TOP3A: variants seen among roughly 807,000 people sequenced by gnomAD.
TOP3A encodes the protein DNA topoisomerase III alpha, also known as DNA topoisomerase 3-alpha.
Under a neutral mutation model 111.3 loss-of-function variants are expected in TOP3A, and 64 were observed. The observed-to-expected ratio is 0.57, with a 90% CI of 0.47 to 0.71. The LOEUF is 0.71. Among genes scored for constraint, TOP3A ranks in the 30% least tolerant of loss-of-function variants. The probability of loss-of-function intolerance (pLI) is 0.00; values close to 1 mark genes in which losing one functional copy is unlikely to be tolerated. For synonymous variants in TOP3A, 484 were observed against 485.1 expected, an observed-to-expected ratio of 1.00 and a Z score of 0.03; for missense variants, 1,104 against 1,285.0, an observed-to-expected ratio of 0.86 and a Z score of 2.15.
chr17:18,308,934 C>G lies in TOP3A; in HGVS notation c.188G>C (p.Gly63Ala). 6.5e-7 allele frequency: 1 copy of G among 1,534,978 alleles called. No individual in the cohort carries two copies. Among genetic ancestry groups the G allele is most frequent in the Non-Finnish European group, 8.9e-7 (1 of 1,127,774 alleles). ...ATAGATCTTGTTGAATTTTGAAAGT[C>G]CTTCTCTCTATAAAACAAAAATAAG... The part of the protein sequence containing the change: ...LSNGRMRRRE[G>A]LSKFNKIYEF... The change falls in exon 2 of 19, where the codon GGA (glycine) becomes GCA (alanine). Residue 63 changes from glycine (G) to alanine (A), a missense_variant. Transcript: ENST00000321105.
Position 18,277,888 on chromosome 17 carries a change from C to A in TOP3A, c.2614G>T (p.Gly872Ter). ...LAYRPLGASL[G>*]CPPGPGIHLG... is the part of the protein sequence containing the mutation. ...TGGATCCCTGGGCCTGGTGGGCATC[C>A]CAGGGAGGCGCCCAGGGGTCTATAT... Residue 872 changes from glycine to a stop codon, truncating the protein, a stop_gained, in exon 18 of 19, where the codon GGA (glycine) becomes TGA (stop). Transcript: ENST00000321105. LOFTEE classifies it high-confidence loss of function. The A allele has an allele frequency of 6.2e-7, 1 of 1,613,920 alleles. No individual in the cohort carries two copies. The highest frequency in any genetic ancestry group is 8.5e-7 in the Non-Finnish European group (1 of 1,179,964).
intron 13 of TOP3A, 138 bp downstream of exon 13, chr17:18,290,419 A>G: frequency 9.5e-7 from 1 of 1,052,730 alleles, no homozygotes; most frequent in Non-Finnish European, 1.3e-6. Context: ...AACCTCTCTG[A>G]GCCTTATTTC....
intron 13 of TOP3A, among the ~76,000 whole-genome samples, chr17:18,289,777 G>A (rs897814644): frequency 6.6e-6 from 1 of 152,184 alleles, no homozygotes; most frequent in Non-Finnish European, 1.5e-5. Flanking sequence ...ATGTCCTAGT[G>A]ATGGTCAAGG....
chr17:18,291,860 C>T (rs1348213963), intron 11 of TOP3A, among the ~76,000 whole-genome samples: 1 of 152,032 alleles, frequency 6.6e-6, no homozygotes, highest in Non-Finnish European at 1.5e-5. Context: ...ACTACAGGCA[C>T]ATGCCACCCC....
At chr17:18,310,304 T>A (rs1981834019) in intron 1 of TOP3A, among the ~76,000 whole-genome samples, 1 of 151,982 alleles carries the variant, frequency 6.6e-6, no homozygotes, top group Non-Finnish European at 1.5e-5. Flanking sequence ...TGGGTGCCTG[T>A]AATCCCAGCT....
chr17:18,314,666 C>A lies in TOP3A; in HGVS notation c.113G>T (p.Cys38Phe). 1 of 1,613,636 alleles carries A rather than the reference C, an allele frequency of 6.2e-7. No individual in the cohort carries two copies. Among genetic ancestry groups the A allele is most frequent in the Non-Finnish European group, 8.5e-7 (1 of 1,179,780 alleles). Residue 38 changes from cysteine (C) to phenylalanine (F), a missense_variant, in exon 1 of 19, where the codon TGT (cysteine) becomes TTT (phenylalanine). Physicochemically the swap from Cys to Phe is radical, Grantham distance 205 (BLOSUM62 -2). Coordinates refer to ENST00000321105, the MANE Select transcript of TOP3A (RefSeq NM_004618.5). ...GGCCGCGTCGTTTTTTTCGGCCACACAGAGGACTTTCCGCACGCCTCGGAG... is the reference window on the plus strand; with the variant it reads ...GGCCGCGTCGTTTTTTTCGGCCACAAAGAGGACTTTCCGCACGCCTCGGAG... The part of the protein sequence containing the change: ...MALRGVRKVL[C>F]VAEKNDAAKG...
chr17:18,280,815 T>A (rs1024271556), intron 16 of TOP3A, among the ~76,000 whole-genome samples, 157 bp from the exon 17 acceptor site: 1 of 152,234 alleles, frequency 6.6e-6, no homozygotes, highest in Non-Finnish European at 1.5e-5. Flanking sequence ...TTGAATTGAT[T>A]GGGAAAAATG....
At chr17:18,289,926 G>A (rs564607265) in intron 13 of TOP3A, among the ~76,000 whole-genome samples, 1 of 152,296 alleles carries the variant, frequency 6.6e-6, no homozygotes, top group Non-Finnish European at 1.5e-5. Flanking sequence ...GACTAGGTTT[G>A]CCAGAGAAAG....
chr17:18,285,838 C>G (rs572164626), intron 13 of TOP3A, among the ~76,000 whole-genome samples: 1 of 152,328 alleles, frequency 6.6e-6, no homozygotes, highest in Non-Finnish European at 1.5e-5. Context: ...CTACCCTAAC[C>G]ATTCTTTAAG....
chr17:18,313,778 A>G (rs1008161839), intron 1 of TOP3A, among the ~76,000 whole-genome samples: 3 of 152,180 alleles, frequency 2.0e-5, no homozygotes, highest in Non-Finnish European at 4.4e-5. Flanking sequence ...CTCCACTCCC[A>G]CTATCCTTGA....
At chr17:18,275,061 G>T in intron 18 of TOP3A, 81 bp from the exon 19 acceptor site, 1 of 1,530,164 alleles carries the variant, frequency 6.5e-7, no homozygotes, top group Non-Finnish European at 8.8e-7. Flanking sequence ...GCTCATGCCT[G>T]TAATCCCAGC....
rs774900343 is a variant in TOP3A, at chr17:18,302,295, A to G, written c.783T>C (p.Ala261=). 6.2e-7 allele frequency: 1 copy of G among 1,612,016 alleles called. No homozygotes were observed. The highest frequency in any genetic ancestry group is 8.5e-7 in the Non-Finnish European group (1 of 1,179,698). The change falls in exon 7 of 19, where the codon GCT becomes GCC. Residue 261 remains alanine (A), a synonymous_variant. Transcript: ENST00000321105. ...TTCTGTGGAAGATTTCTGGTACAAA[A>G]GCCTGAATGGCTTTGAACCGCTCCA... ...FVVERFKAIQ[A]FVPEIFHRIK... is the part of the protein sequence containing the mutation.
Position 18,291,030 on chromosome 17 carries a change from A to G in TOP3A, c.1282-3T>C. The G allele has an allele frequency of 1.2e-6, 2 of 1,613,744 alleles. No homozygotes were observed. The highest frequency in any genetic ancestry group is 1.7e-6 in the Non-Finnish European group (2 of 1,179,832). On this transcript the variant is annotated splice_region_variant and splice_polypyrimidine_tract_variant and intron_variant, in intron 11 of 18. Coordinates refer to ENST00000321105, the MANE Select transcript of TOP3A (RefSeq NM_004618.5). ...TCGTACAGTCGCTGTTCATCTCCCT[A>G]GGAAGAAAAGAGGAGTACGAAACTC...
chr17:18,303,848 CCTTTA>C (rs900253451), intron 5 of TOP3A, among the ~76,000 whole-genome samples: 22 of 152,154 alleles, frequency 1.4e-4, no homozygotes, highest in Admixed American at 9.2e-4. Context: ...CTTTTCTTCC[CCTTTA>C]CTTTGTGTGT....
At chr17:18,287,768 G>A (rs1299066297) in intron 13 of TOP3A, among the ~76,000 whole-genome samples, 2 of 152,058 alleles carry the variant, frequency 1.3e-5, no homozygotes, top group East Asian at 3.9e-4. Flanking sequence ...GCCTAGGTGG[G>A]CGGATCATGA....
intron 1 of TOP3A, 35 bp from the exon 2 acceptor site, chr17:18,308,976 C>G: frequency 1.7e-6 from 2 of 1,198,708 alleles, no homozygotes; most frequent in Non-Finnish European, 2.3e-6. Flanking sequence ...ATATAAATTA[C>G]GTTTAAAACA....
chr17:18,279,917 A>G (rs1188973335), intron 17 of TOP3A, among the ~76,000 whole-genome samples: 1 of 152,060 alleles, frequency 6.6e-6, no homozygotes, highest in Non-Finnish European at 1.5e-5. Context: ...TTGGGAGGCC[A>G]AGGTGGGTGG....
chr17:18,301,795 A>C (rs986327077), intron 8 of TOP3A, 90 bp downstream of exon 8: 1 of 1,106,092 alleles, frequency 9.0e-7, no homozygotes, highest in African/African-American at 1.6e-5. Flanking sequence ...GCTAAAGTCC[A>C]ATGGGAGAAT....
Position 18,272,124 on chromosome 17 carries a change from C to T in TOP3A, c.*2678G>A, listed in dbSNP as rs759494821. ...GTGAAGAACTTAAATCGACATTCTC[C>T]AAAGAATGTATACCAATGGCCAGTA... is the stretch of plus-strand genomic sequence containing the variant. On this transcript the variant is annotated 3_prime_UTR_variant, in exon 19 of 19. Coordinates refer to ENST00000321105, the MANE Select transcript of TOP3A (RefSeq NM_004618.5). Among the ~76,000 whole-genome samples the T allele has an allele frequency of 2.0e-5, 3 of 152,002 alleles. No individual in the cohort carries two copies. Among genetic ancestry groups the T allele is most frequent in the Non-Finnish European group, 2.9e-5 (2 of 67,984 alleles).
Sources: allele counts gnomAD v4.1 joint callset (sites outside exome capture counted in the v4.1 genomes callset), GRCh38; gene constraint gnomAD v4.1.1; transcripts MANE v1.5; gene names NCBI Gene and HGNC (gene_info 2026-07-23, HGNC 2026-07-21).